Variants in TSHZ2 observed in about 807,000 individuals in gnomAD.
The protein encoded by TSHZ2 is teashirt zinc finger homeobox 2, also known as teashirt homolog 2.
A neutral mutation model predicts 74.4 loss-of-function variants in TSHZ2; 21 were observed. The ratio of observed to expected loss-of-function variants is 0.28; its 90% confidence interval spans 0.20 to 0.41. The LOEUF (loss-of-function observed/expected upper bound fraction) is 0.41, where lower values mean the gene tolerates loss of function less well. Among genes scored for constraint, TSHZ2 ranks in the 10% least tolerant of loss-of-function variants. The pLI, the probability that TSHZ2 is intolerant of heterozygous loss-of-function variation, is 1.00. For missense variants in TSHZ2, 1,244 were observed against 1,293.5 expected, an observed-to-expected ratio of 0.96 and a Z score of 0.59; for synonymous variants, 540 against 515.3, an observed-to-expected ratio of 1.05 and a Z score of -0.65.
chr20:53,356,167 T>A (rs1980839804), intron 2 of TSHZ2, among the ~76,000 whole-genome samples: 1 of 152,212 alleles, frequency 6.6e-6, no homozygotes, highest in African/African-American at 2.4e-5. Context: ...TCTACCTTAA[T>A]AAGAATAAAG....
rs190875567 is a variant in TSHZ2 at position 53,324,526 on chromosome 20, C to G, written c.*8+67955C>G. The stretch of plus-strand genomic sequence containing the variant: ...CCCAGTAGCAGGGAGCACAGGTATG[C>G]ATCACTATGTCTAACTCTTTGGTAT... On this transcript the variant is annotated intron_variant, in intron 2 of 2. Transcript: ENST00000371497. 5.8e-4 allele frequency among the ~76,000 whole-genome samples: 89 copies of G among 152,204 alleles called. 1 individual carries two copies. Among genetic ancestry groups the G allele is most frequent in the Non-Finnish European group, 9.4e-4 (64 of 68,008 alleles).
intron 1 of TSHZ2, among the ~76,000 whole-genome samples, chr20:53,041,324 A>C (rs1246318208): frequency 6.6e-6 from 1 of 152,222 alleles, no homozygotes; most frequent in East Asian, 1.9e-4. Context: ...ACCTAGCAAG[A>C]TGCCAAAATC....
At chr20:53,394,087 C>T (rs1217510813) in intron 2 of TSHZ2, among the ~76,000 whole-genome samples, 5 of 152,172 alleles carry the variant, frequency 3.3e-5, no homozygotes, top group Admixed American at 2.6e-4. Context: ...GACTTTTTAA[C>T]GGTTGCTGAT....
At chr20:53,232,709 A>G (rs545879570) in intron 1 of TSHZ2, among the ~76,000 whole-genome samples, 1 of 152,332 alleles carries the variant, frequency 6.6e-6, no homozygotes, top group Non-Finnish European at 1.5e-5. Context: ...CAGCCTGGGC[A>G]ACAGAGCGAG....
chr20:53,285,882 G>A (rs143421955), intron 2 of TSHZ2, among the ~76,000 whole-genome samples: 64 of 152,320 alleles, frequency 4.2e-4, no homozygotes, highest in African/African-American at 1.5e-3. Flanking sequence ...CAGATGGATT[G>A]AATATCTACT....
intron 1 of TSHZ2, among the ~76,000 whole-genome samples, chr20:53,001,222 G>GTGTGTGTA (rs1568713476): frequency 1.4e-5 from 2 of 147,266 alleles, no homozygotes; most frequent in Non-Finnish European, 3.0e-5. Flanking sequence ...GTGTGTGTGT[G>GTGTGTGTA]TGTGTGTGTG....
At chr20:53,116,936 T>G (rs1470503291) in intron 1 of TSHZ2, among the ~76,000 whole-genome samples, 2 of 151,892 alleles carry the variant, frequency 1.3e-5, no homozygotes, top group African/African-American at 2.4e-5. Flanking sequence ...GAAATCAGAG[T>G]GTCAGCATTA....
At chr20:53,153,123 GC>G (rs1272014301) in intron 1 of TSHZ2, among the ~76,000 whole-genome samples, 1 of 152,188 alleles carries the variant, frequency 6.6e-6, no homozygotes, top group Non-Finnish European at 1.5e-5. Flanking sequence ...ATCCTATGCA[GC>G]CGCATGGAAC....
rs1056583767 is a variant in TSHZ2, at chr20:52,972,668, C to A, written c.-626C>A. 4 of 146,368 alleles carry A rather than the reference C, an allele frequency of 2.7e-5. No individual in the cohort carries two copies. Among genetic ancestry groups the A allele is most frequent in the South Asian group, 2.0e-4 (1 of 4,996 alleles). 9.1% of individuals were successfully genotyped at this position (146,368 alleles called of 1,614,324 possible). Reference sequence around the variant, plus strand: ...CCTACAGTGAGTGATCGCTCTCCCCCCGGCACGAATCCGCCATAGAGATCG... The same window carrying A: ...CCTACAGTGAGTGATCGCTCTCCCCACGGCACGAATCCGCCATAGAGATCG... On this transcript the variant is annotated 5_prime_UTR_variant, in exon 1 of 3. Transcript: ENST00000371497.
At chr20:53,276,861 C>T (rs1421989101) in intron 2 of TSHZ2, among the ~76,000 whole-genome samples, 1 of 152,222 alleles carries the variant, frequency 6.6e-6, no homozygotes, top group Non-Finnish European at 1.5e-5. Context: ...AGATAGTTTG[C>T]TTTTAGCAGC....
rs544679520 is a variant in TSHZ2 at position 53,357,217 on chromosome 20, G to A, written c.*8+100646G>A. Among the ~76,000 whole-genome samples, 10 of 152,248 alleles carry A rather than the reference G, an allele frequency of 6.6e-5. No individual in the cohort carries two copies. In the East Asian group the frequency reaches 1.9e-3, roughly 29 times the overall value. On this transcript the variant is annotated intron_variant, in intron 2 of 2. Coordinates refer to ENST00000371497, the MANE Select transcript of TSHZ2 (RefSeq NM_173485.6). ...TCACTATTACATAGGACAATATTCT[G>A]CATGCAATAATTCCACAATAAATTC...
At chr20:53,469,006 A>C (rs562838311) in intron 2 of TSHZ2, among the ~76,000 whole-genome samples, 56 of 141,572 alleles carry the variant, frequency 4.0e-4, no homozygotes, top group Non-Finnish European at 7.3e-4. Flanking sequence ...AGGAACAATT[A>C]GCTTGGCAGT....
chr20:53,032,147 G>A (rs937478735), intron 1 of TSHZ2, among the ~76,000 whole-genome samples: 2 of 152,126 alleles, frequency 1.3e-5, no homozygotes, highest in African/African-American at 4.8e-5. Flanking sequence ...TGCTCCAAGA[G>A]GAAACACAGC....
Position 53,494,784 on chromosome 20 carries a change from T to C in TSHZ2, c.*7649T>C, listed in dbSNP as rs1986541672. 1 of 152,080 alleles carries C rather than the reference T, an allele frequency of 6.6e-6. No individual in the cohort carries two copies. Among genetic ancestry groups the C allele is most frequent in the East Asian group, 1.9e-4 (1 of 5,188 alleles). 9.4% of individuals were successfully genotyped at this position (152,080 alleles called of 1,614,324 possible). On this transcript the variant is annotated 3_prime_UTR_variant, in exon 3 of 3. Coordinates refer to ENST00000371497, the MANE Select transcript of TSHZ2 (RefSeq NM_173485.6). ...CCCTGATTTCCATCAAAAAGGTTTC[T>C]ATAAGTATATTATTTACATTTTTAT...
chr20:53,328,472 C>T (rs933502875), intron 2 of TSHZ2, among the ~76,000 whole-genome samples: 7 of 152,334 alleles, frequency 4.6e-5, no homozygotes, highest in African/African-American at 1.7e-4. Context: ...AATTTGTCCT[C>T]TCTGCAATGC....
chr20:53,251,484 C>T (rs1990330477), intron 1 of TSHZ2, among the ~76,000 whole-genome samples: 1 of 152,164 alleles, frequency 6.6e-6, no homozygotes, highest in Non-Finnish European at 1.5e-5. Flanking sequence ...GCCATATGGT[C>T]ATTTTAAACT....
At chr20:53,445,110 G>C (rs1461678143) in intron 2 of TSHZ2, among the ~76,000 whole-genome samples, 1 of 152,212 alleles carries the variant, frequency 6.6e-6, no homozygotes, top group African/African-American at 2.4e-5. Flanking sequence ...GGAGGGATGA[G>C]AGGGAGAAAC....
intron 1 of TSHZ2, among the ~76,000 whole-genome samples, chr20:53,140,178 C>T (rs1358974076): frequency 1.3e-5 from 2 of 151,908 alleles, no homozygotes; most frequent in Non-Finnish European, 2.9e-5. Flanking sequence ...ATAATATGTA[C>T]ATAAATAAAT....
At chr20:53,297,958 G>A (rs745975517) in intron 2 of TSHZ2, among the ~76,000 whole-genome samples, 15 of 152,120 alleles carry the variant, frequency 9.9e-5, no homozygotes, top group Middle Eastern at 3.2e-3. Flanking sequence ...ACAAAATGTC[G>A]AAACTTATTC....
Sources: gnomAD v4.1 joint callset for allele counts (sites outside exome capture counted in the v4.1 genomes callset) on GRCh38, gnomAD v4.1.1 for gene constraint, MANE v1.5 for transcripts, NCBI Gene and HGNC (gene_info 2026-07-23, HGNC 2026-07-21) for gene names.